Variants in RASAL2 observed in about 807,000 individuals in gnomAD.
RASAL2 encodes the protein RAS protein activator like 2.
In RASAL2, 58 loss-of-function variants were observed where a neutral mutation model predicts 128.9. That is an observed-to-expected ratio of 0.45 (90% confidence interval 0.36 to 0.56). RASAL2 has a LOEUF of 0.56. Among genes scored for constraint, RASAL2 ranks in the 20% least tolerant of loss-of-function variants. The pLI is 0.00. For synonymous variants in RASAL2, 561 were observed against 580.8 expected (o/e 0.97, Z 0.49); for missense variants, 1,360 against 1,601.6 (o/e 0.85, Z 2.57).
At chr1:178,094,748 G>A in intron 1 of RASAL2, 54 bp downstream of exon 1, 2 of 1,597,708 alleles carry the variant, frequency 1.3e-6, no homozygotes, top group East Asian at 4.5e-5. Flanking sequence ...TGCTTGGGCT[G>A]AAATTCATTC....
Position 178,208,148 on chromosome 1 carries a change from T to G in RASAL2, c.203-75416T>G, listed in dbSNP as rs532546333. Among the ~76,000 whole-genome samples, 19 of 152,274 alleles carry G rather than the reference T, an allele frequency of 1.2e-4. No individual in the cohort carries two copies. In the East Asian group the frequency reaches 3.5e-3, roughly 28 times the overall value. On this transcript the variant is annotated intron_variant, in intron 1 of 17. Transcript: ENST00000367649. ...AAATGTGTGTTTGAACAATATGAAA[T>G]CAGTGCACCTTGAGGAAGAACAGAA... is the stretch of plus-strand genomic sequence containing the variant.
intron 1 of RASAL2, among the ~76,000 whole-genome samples, chr1:178,262,570 T>C (rs564641907): frequency 6.6e-6 from 1 of 152,344 alleles, no homozygotes; most frequent in East Asian, 1.9e-4. Context: ...TTTGTCATTG[T>C]TTTATATTCT....
At chr1:178,462,730 A>G (rs952598279) in intron 14 of RASAL2, among the ~76,000 whole-genome samples, 4 of 152,186 alleles carry the variant, frequency 2.6e-5, no homozygotes, top group Non-Finnish European at 5.9e-5. Flanking sequence ...AGGATATATT[A>G]GGAAGTGGCT....
intron 1 of RASAL2, among the ~76,000 whole-genome samples, chr1:178,116,778 T>A (rs1398612486): frequency 1.3e-5 from 2 of 151,900 alleles, no homozygotes; most frequent in African/African-American, 4.8e-5. Flanking sequence ...CCTGGCTAAT[T>A]TTTTTGTATT....
rs532313538 is a variant in RASAL2, at chr1:178,258,308, A to G, written c.203-25256A>G. 2.3e-4 allele frequency among the ~76,000 whole-genome samples: 35 copies of G among 151,866 alleles called. No homozygotes were observed. In the East Asian group the frequency reaches 3.3e-3, roughly 14 times the overall value. ...GACTGCATCTCAAAAAAAAAAAAAA[A>G]AAAGACGACAGTGAAAGGACATCCC... On this transcript the variant is annotated intron_variant, in intron 1 of 17. Coordinates refer to ENST00000367649, the MANE Select transcript of RASAL2 (RefSeq NM_170692.4).
Position 178,297,245 on chromosome 1 carries a change from A to G in RASAL2, c.331-2747A>G, listed in dbSNP as rs371663674. On this transcript the variant is annotated intron_variant, in intron 2 of 17. Coordinates refer to ENST00000367649, the MANE Select transcript of RASAL2 (RefSeq NM_170692.4). ...TATATTTCAGCTTGGGTCATTTGAA[A>G]TTACTTGAAATAGGATCTATCCAAT... Among the ~76,000 whole-genome samples the G allele has an allele frequency of 2.0e-5, 3 of 152,196 alleles. No homozygotes were observed. In the South Asian group the frequency reaches 6.2e-4, roughly 32 times the overall value.
intron 1 of RASAL2, among the ~76,000 whole-genome samples, chr1:178,240,608 A>C (rs1398009470): frequency 6.6e-6 from 1 of 152,038 alleles, no homozygotes; most frequent in East Asian, 1.9e-4. Flanking sequence ...TAATGTATAC[A>C]TGTGTTGCTG....
chr1:178,453,396 AAG>A (rs1361876319), intron 11 of RASAL2, among the ~76,000 whole-genome samples: 1 of 151,968 alleles, frequency 6.6e-6, no homozygotes, highest in Admixed American at 6.6e-5. Context: ...TGGTTCCAGA[AAG>A]AAAAAAAAAA....
intron 1 of RASAL2, among the ~76,000 whole-genome samples, chr1:178,161,921 G>A (rs920085020): frequency 1.3e-5 from 2 of 150,378 alleles, no homozygotes; most frequent in African/African-American, 4.9e-5. Flanking sequence ...ATTTAAATTG[G>A]GTTATTTGTC....
At chr1:178,283,808 A>G in intron 2 of RASAL2, 117 bp downstream of exon 2, 1 of 1,273,162 alleles carries the variant, frequency 7.9e-7, no homozygotes, top group South Asian at 1.4e-5. Flanking sequence ...CTTGATGAAG[A>G]TATAGGTAAG....
chr1:178,418,554 G>A (rs1209272160), intron 4 of RASAL2, among the ~76,000 whole-genome samples: 8 of 152,108 alleles, frequency 5.3e-5, no homozygotes. Flanking sequence ...AAAACAATAA[G>A]ATATAGCATT....
At chr1:178,201,378 G>C (rs1412188058) in intron 1 of RASAL2, among the ~76,000 whole-genome samples, 1 of 152,194 alleles carries the variant, frequency 6.6e-6, no homozygotes, top group Non-Finnish European at 1.5e-5. Flanking sequence ...GGATCCAAGG[G>C]TTTAGGAAGA....
chr1:178,186,564 C>T (rs1017043273), intron 1 of RASAL2, among the ~76,000 whole-genome samples: 2 of 152,116 alleles, frequency 1.3e-5, no homozygotes, highest in Non-Finnish European at 2.9e-5. Context: ...GTTCCATCAT[C>T]TTGAGGCTTG....
intron 1 of RASAL2, among the ~76,000 whole-genome samples, chr1:178,199,253 G>A (rs775896328): frequency 9.2e-5 from 14 of 152,214 alleles, no homozygotes; most frequent in Admixed American, 5.2e-4. Context: ...GACACCTTGC[G>A]CTTCCCGGGT....
At chr1:178,382,625 T>C (rs950331459) in intron 3 of RASAL2, among the ~76,000 whole-genome samples, 23 of 152,116 alleles carry the variant, frequency 1.5e-4, no homozygotes, top group African/African-American at 5.3e-4. Context: ...ACATGGGTGA[T>C]AGTTCCACCT....
At chr1:178,112,748 G>C (rs1659376312) in intron 1 of RASAL2, among the ~76,000 whole-genome samples, 1 of 121,126 alleles carries the variant, frequency 8.3e-6, no homozygotes, top group Admixed American at 9.9e-5. Flanking sequence ...TCTGGGGACT[G>C]TTGTGGGGTG....
intron 17 of RASAL2, among the ~76,000 whole-genome samples, chr1:178,469,628 AG>A (rs1360480455): frequency 6.6e-6 from 1 of 152,192 alleles, no homozygotes; most frequent in Non-Finnish European, 1.5e-5. Context: ...TGGTCTGCTA[AG>A]CTAGTTAATG....
intron 5 of RASAL2, 151 bp from the exon 6 acceptor site, chr1:178,439,271 A>G (rs1410627228): frequency 3.1e-5 from 20 of 635,006 alleles, no homozygotes; most frequent in Non-Finnish European, 4.6e-5. Flanking sequence ...TATGATTACT[A>G]TTATTGTTAC....
chr1:178,204,441 T>G (rs1662974927), intron 1 of RASAL2, among the ~76,000 whole-genome samples: 1 of 152,172 alleles, frequency 6.6e-6, no homozygotes, highest in African/African-American at 2.4e-5. Flanking sequence ...CTAACACTAT[T>G]CATCTCTGTA....
Sources: allele counts gnomAD v4.1 joint callset (sites outside exome capture counted in the v4.1 genomes callset), GRCh38; gene constraint gnomAD v4.1.1; transcripts MANE v1.5; gene names NCBI Gene and HGNC (gene_info 2026-07-23, HGNC 2026-07-21).